The following CSMD1 variants were observed in gnomAD, a reference collection of about 807,000 sequenced individuals.
CSMD1 encodes CUB and sushi domain-containing protein 1.
Under a neutral mutation model 417.5 loss-of-function variants are expected in CSMD1, and 213 were observed. The ratio of observed to expected loss-of-function variants is 0.51; its 90% CI spans 0.46 to 0.57. The LOEUF is 0.57. Among genes scored for constraint, CSMD1 ranks in the 20% least tolerant of loss-of-function variants. The pLI, the probability that CSMD1 is intolerant of heterozygous loss-of-function variation, is 0.00. For missense variants in CSMD1, 6,923 were observed against 4,529.7 expected (o/e 1.53, Z -15.17); for synonymous variants, 2,862 against 1,736.8 (o/e 1.65, Z -16.11).
chr8:4,360,131 C>T (rs4875096), intron 3 of CSMD1, among the ~76,000 whole-genome samples: 2 of 151,978 alleles, frequency 1.3e-5, no homozygotes, highest in African/African-American at 4.8e-5. Context: ...GCAGGTTTGG[C>T]TGTGAGGATG....
chr8:4,188,128 A>C (rs1247012008), intron 3 of CSMD1, among the ~76,000 whole-genome samples: 3 of 152,182 alleles, frequency 2.0e-5, no homozygotes, highest in African/African-American at 7.2e-5. Context: ...ATAGGTTTTA[A>C]GGTACTGCCA....
At chr8:3,700,816 G>A (rs560612110) in intron 7 of CSMD1, among the ~76,000 whole-genome samples, 82 of 152,224 alleles carry the variant, frequency 5.4e-4, no homozygotes, top group African/African-American at 1.9e-3. Context: ...AGTTCTTTGG[G>A]TCTTCATAAG....
At chr8:4,779,276 G>GT (rs5889061) in intron 1 of CSMD1, among the ~76,000 whole-genome samples, 12,592 of 152,064 alleles carry the variant, frequency 0.083, 675 homozygotes, top group East Asian at 0.28. Flanking sequence ...TCCCTTCCAT[G>GT]TATAGGGGTT....
intron 11 of CSMD1, among the ~76,000 whole-genome samples, chr8:3,473,974 G>C (rs1052299120): frequency 6.6e-6 from 1 of 152,104 alleles, no homozygotes; most frequent in African/African-American, 2.4e-5. Context: ...AAAACCATCA[G>C]ATCTAGTAAA....
intron 2 of CSMD1, among the ~76,000 whole-genome samples, chr8:4,539,109 T>C (rs1008554015): frequency 6.6e-6 from 1 of 152,226 alleles, no homozygotes; most frequent in African/African-American, 2.4e-5. Context: ...TAATGACCTT[T>C]AGCTTAGCAT....
At chr8:3,272,605 C>T (rs1174616391) in intron 26 of CSMD1, among the ~76,000 whole-genome samples, 1 of 136,512 alleles carries the variant, frequency 7.3e-6, no homozygotes, top group East Asian at 2.2e-4. Flanking sequence ...CTTTTATTTC[C>T]TTGAGCAGTG....
At chr8:3,484,460 G>A (rs930407019) in intron 11 of CSMD1, among the ~76,000 whole-genome samples, 9 of 152,154 alleles carry the variant, frequency 5.9e-5, no homozygotes, top group African/African-American at 9.6e-5. Flanking sequence ...AGACTTAAAT[G>A]TAATATGTAA....
At chr8:3,091,943 A>G (rs1814976883) in intron 47 of CSMD1, among the ~76,000 whole-genome samples, 1 of 152,226 alleles carries the variant, frequency 6.6e-6, no homozygotes, top group African/African-American at 2.4e-5. Context: ...AAAAAATGAA[A>G]GTAATATGTA....
rs181403907 is a variant in CSMD1 at position 4,417,559 on chromosome 8, A to G, written c.415+2394T>C. ...TTATTATAATATGAAAGTTCATTTT[A>G]TATCTAAATCCAGTTGCCTTTATAC... On this transcript the variant is annotated intron_variant, in intron 3 of 69. Coordinates refer to ENST00000635120, the MANE Select transcript of CSMD1 (RefSeq NM_033225.6). Among the ~76,000 whole-genome samples, 38 of 152,178 alleles carry G rather than the reference A, an allele frequency of 2.5e-4. No individual in the cohort carries two copies. The East Asian group carries it at 6.8e-3, about 27-fold the overall frequency.
intron 10 of CSMD1, among the ~76,000 whole-genome samples, chr8:3,508,152 C>T (rs1344266835): frequency 1.3e-5 from 2 of 152,176 alleles, no homozygotes; most frequent in African/African-American, 4.8e-5. Context: ...CATGTTCTCA[C>T]TCATAGGTGG....
At chr8:3,648,618 A>G (rs1386740661) in intron 7 of CSMD1, among the ~76,000 whole-genome samples, 2 of 152,228 alleles carry the variant, frequency 1.3e-5, no homozygotes, top group Non-Finnish European at 2.9e-5. Context: ...TTTCCCAAGA[A>G]CGAGTTTCTC....
At chr8:3,916,301 C>T (rs1808824317) in intron 5 of CSMD1, among the ~76,000 whole-genome samples, 1 of 152,028 alleles carries the variant, frequency 6.6e-6, no homozygotes, top group Admixed American at 6.6e-5. Flanking sequence ...ATAAAATCAC[C>T]TGGTTCTCAG....
chr8:3,299,700 G>A (rs1804244204), intron 25 of CSMD1, among the ~76,000 whole-genome samples: 1 of 152,182 alleles, frequency 6.6e-6, no homozygotes, highest in Non-Finnish European at 1.5e-5. Flanking sequence ...GGTGGGAGGT[G>A]AAGTGCACAG....
chr8:3,578,570 G>A (rs997374121), intron 9 of CSMD1, among the ~76,000 whole-genome samples: 2 of 152,114 alleles, frequency 1.3e-5, no homozygotes, highest in Non-Finnish European at 2.9e-5. Flanking sequence ...CTGATGTTCT[G>A]GGAGGTCACG....
At chr8:3,710,538 C>G (rs752240925) in intron 6 of CSMD1, among the ~76,000 whole-genome samples, 1 of 152,090 alleles carries the variant, frequency 6.6e-6, no homozygotes, top group Admixed American at 6.5e-5. Context: ...GGACAATTGC[C>G]CTTTGGGACT....
intron 10 of CSMD1, among the ~76,000 whole-genome samples, chr8:3,562,033 C>A (rs540977621): frequency 2.8e-4 from 42 of 152,074 alleles, no homozygotes; most frequent in African/African-American, 9.9e-4. Context: ...TTACACATCA[C>A]TACCACCCAT....
chr8:3,020,572 T>C (rs768834577), intron 51 of CSMD1, among the ~76,000 whole-genome samples: 1 of 152,132 alleles, frequency 6.6e-6, no homozygotes, highest in African/African-American at 2.4e-5. Context: ...GGGGGTCTCA[T>C]TGTGTTGTCC....
intron 1 of CSMD1, among the ~76,000 whole-genome samples, chr8:4,666,495 A>G (rs1039515556): frequency 6.6e-6 from 1 of 152,190 alleles, no homozygotes; most frequent in African/African-American, 2.4e-5. Context: ...GTGAATTTTT[A>G]CTAAGACCCT....
rs1563304526 is a variant in CSMD1, at chr8:4,579,341, T to TAG, written c.302+58000_302+58001insCT. Among the ~76,000 whole-genome samples, 656 of 151,798 alleles carry TAG rather than the reference T, an allele frequency of 4.3e-3. 4 individuals are homozygous for TAG. Among genetic ancestry groups the TAG allele is most frequent in the African/African-American group, 0.015 (623 of 41,378 alleles). ...TTAAACATACATACATACATATATA[T>TAG]ATACACACACGTGTGTGTGTGTGTT... On this transcript the variant is annotated intron_variant, in intron 2 of 69. Coordinates refer to ENST00000635120, the MANE Select transcript of CSMD1 (RefSeq NM_033225.6).
Sources: allele counts gnomAD v4.1 joint callset (sites outside exome capture counted in the v4.1 genomes callset), GRCh38; gene constraint gnomAD v4.1.1; transcripts MANE v1.5; gene names NCBI Gene and HGNC (gene_info 2026-07-23, HGNC 2026-07-21).